Variants in MTX2 observed in about 807,000 individuals in gnomAD.
The protein encoded by MTX2 is metaxin 2.
A neutral mutation model predicts 42.3 loss-of-function variants in MTX2; 35 were observed. The ratio of observed to expected loss-of-function variants is 0.83; its 90% CI spans 0.63 to 1.10. MTX2 has a LOEUF of 1.10. MTX2 is among the 50% of genes least tolerant of loss of function. The probability of loss-of-function intolerance (pLI) is 0.00; values close to 1 mark genes in which losing one functional copy is unlikely to be tolerated. For missense variants in MTX2, 307 were observed against 304.1 expected, an observed-to-expected ratio of 1.01 and a Z score of -0.07; for synonymous variants, 119 against 100.9, an observed-to-expected ratio of 1.18 and a Z score of -1.08.
chr2:176,308,750 T>C (rs1434715884), intron 3 of MTX2, among the ~76,000 whole-genome samples: 2 of 152,178 alleles, frequency 1.3e-5, no homozygotes, highest in Non-Finnish European at 2.9e-5. Context: ...CCCTTTGTCA[T>C]TTTTTATTGT....
At chr2:176,273,789 T>G (rs1257978098) in intron 1 of MTX2, among the ~76,000 whole-genome samples, 3 of 152,186 alleles carry the variant, frequency 2.0e-5, no homozygotes, top group Admixed American at 2.0e-4. Context: ...CATTTTTTGC[T>G]TAGATAACCA....
rs778879219 is a variant in MTX2, at chr2:176,328,302, C to G, written c.295C>G (p.Leu99Val). 8.3e-6 allele frequency: 13 copies of G among 1,566,956 alleles called. No homozygotes were observed. The highest frequency in any genetic ancestry group is 1.1e-5 in the Non-Finnish European group (13 of 1,159,640). The change falls in exon 6 of 10, where the codon CTT becomes GTT. Residue 99 changes from leucine to valine, a missense_variant. Transcript: ENST00000249442. ...TTTAAATTCCCTTTAGGGCCATTCT[C>G]TTAGTGATGGGCTGGAGGAAGTCCA... Reference protein sequence around the residue: ...VQFVKAKGHSLSDGLEEVQKA... With the variant: ...VQFVKAKGHSVSDGLEEVQKA...
At chr2:176,281,303 A>G (rs180799138) in intron 1 of MTX2, among the ~76,000 whole-genome samples, 1 of 152,224 alleles carries the variant, frequency 6.6e-6, no homozygotes, top group East Asian at 1.9e-4. Context: ...AAAGGCTGGG[A>G]ATGATCCAGT....
At chr2:176,315,064 A>G (rs1423270643) in intron 3 of MTX2, among the ~76,000 whole-genome samples, 1 of 152,122 alleles carries the variant, frequency 6.6e-6, no homozygotes, top group Non-Finnish European at 1.5e-5. Context: ...GGTGGCCTTG[A>G]GGATTGGGCT....
At position 176,313,543 on chromosome 2, in the gene MTX2, C is replaced by T. The variant is rs375504158; in HGVS notation, c.136-9849C>T. Among the ~76,000 whole-genome samples, 19 of 151,972 alleles carry T rather than the reference C, an allele frequency of 1.3e-4. No homozygotes were observed. The South Asian group carries it at 2.9e-3, about 23-fold the overall frequency. ...AAGTAGCTGAGATTACAGGTGTGCA[C>T]CACCACCACCCAGCTAATTTTTGTG... On this transcript the variant is annotated intron_variant, in intron 3 of 9. Transcript: ENST00000249442.
At chr2:176,310,470 A>G (rs1210398284) in intron 3 of MTX2, among the ~76,000 whole-genome samples, 1 of 152,182 alleles carries the variant, frequency 6.6e-6, no homozygotes, top group Non-Finnish European at 1.5e-5. Flanking sequence ...GGAAAGTTCT[A>G]GTGGATAATA....
intron 1 of MTX2, among the ~76,000 whole-genome samples, chr2:176,280,342 G>A (rs573364256): frequency 8.5e-5 from 13 of 152,330 alleles, no homozygotes; most frequent in South Asian, 2.1e-4. Context: ...CTTGGTAACC[G>A]ATTTAGATAA....
intron 3 of MTX2, among the ~76,000 whole-genome samples, chr2:176,316,170 T>C (rs141282097): frequency 1.4e-3 from 213 of 152,322 alleles, no homozygotes; most frequent in African/African-American, 4.9e-3. Context: ...GGAAGTTTCA[T>C]AGTGGACCAA....
At chr2:176,302,204 T>C (rs1459842796) in intron 3 of MTX2, among the ~76,000 whole-genome samples, 1 of 151,686 alleles carries the variant, frequency 6.6e-6, no homozygotes, top group African/African-American at 2.4e-5. Flanking sequence ...CTCAAACTGA[T>C]GATCATTATT....
At chr2:176,331,528 T>C (rs982526461) in intron 9 of MTX2, among the ~76,000 whole-genome samples, 2 of 151,162 alleles carry the variant, frequency 1.3e-5, no homozygotes, top group African/African-American at 4.8e-5. Flanking sequence ...AAAGATAATA[T>C]TTGTAGTAAA....
intron 3 of MTX2, among the ~76,000 whole-genome samples, chr2:176,300,680 A>G (rs1443730123): frequency 1.3e-5 from 2 of 152,130 alleles, no homozygotes; most frequent in East Asian, 3.9e-4. Flanking sequence ...TGTCTTTTAT[A>G]GAAGATTCCA....
In MTX2 at chr2:176,269,534, C is replaced by A. The variant is rs1692741760; in HGVS notation, c.-96C>A. The A allele has an allele frequency of 1.5e-5, 21 of 1,372,014 alleles. No individual in the cohort carries two copies. Among genetic ancestry groups the A allele is most frequent in the Middle Eastern group, 2.1e-4 (1 of 4,842 alleles). The allele number at this position is 1,372,014 out of a possible 1,614,324, so 85.0% of individuals were successfully genotyped here. ...TTTGCGAGTCTGAACGTTGGCGGGG[C>A]TAGGCTCGTTAACTGCCGAGAGCCT... On this transcript the variant is annotated 5_prime_UTR_variant, in exon 1 of 10. Coordinates refer to ENST00000249442, the MANE Select transcript of MTX2 (RefSeq NM_006554.5).
Position 176,337,479 on chromosome 2 carries a change from A to G in MTX2, c.621-14A>G, listed in dbSNP as rs1280368985. The stretch of plus-strand genomic sequence containing the variant: ...AATGCTACTTACTCACATTACTCTC[A>G]TTTCTACTTTTAGGCCTACTGAACT... On this transcript the variant is annotated splice_polypyrimidine_tract_variant and intron_variant, in intron 9 of 9. Transcript: ENST00000249442. 6.3e-7 allele frequency: 1 copy of G among 1,576,412 alleles called. No homozygotes were observed. The highest frequency in any genetic ancestry group is 8.6e-7 in the Non-Finnish European group (1 of 1,159,944).
chr2:176,327,370 T>C (rs1027593352), intron 5 of MTX2, among the ~76,000 whole-genome samples: 1 of 151,100 alleles, frequency 6.6e-6, no homozygotes, highest in African/African-American at 2.4e-5. Context: ...CATTAGTGTT[T>C]CTGAAAAATC....
chr2:176,308,310 TTTA>T (rs1684206425), intron 3 of MTX2, among the ~76,000 whole-genome samples: 2 of 152,206 alleles, frequency 1.3e-5, no homozygotes. Context: ...TTGCTAATAT[TTTA>T]TTGAGGATTT....
At chr2:176,334,560 A>AT (rs879363172) in intron 9 of MTX2, among the ~76,000 whole-genome samples, 32 of 147,942 alleles carry the variant, frequency 2.2e-4, no homozygotes, top group East Asian at 3.9e-4. Flanking sequence ...GACCCTTGAG[A>AT]TTTTTTTTTT....
At position 176,269,523 on chromosome 2, in the gene MTX2, C is replaced by T. The variant is rs1049429214; in HGVS notation, c.-107C>T. 14 of 1,275,028 alleles carry T rather than the reference C, an allele frequency of 1.1e-5. No individual in the cohort carries two copies. Among genetic ancestry groups the T allele is most frequent in the Admixed American group, 2.6e-5 (1 of 38,254 alleles). The allele number at this position is 1,275,028 out of a possible 1,614,324, so 79.0% of individuals were successfully genotyped here. On this transcript the variant is annotated 5_prime_UTR_variant, in exon 1 of 10. The change creates a new upstream start codon in the 5' untranslated region. Coordinates refer to ENST00000249442, the MANE Select transcript of MTX2 (RefSeq NM_006554.5). ...TTGGAGTGGGCTTTGCGAGTCTGAA[C>T]GTTGGCGGGGCTAGGCTCGTTAACT...
At chr2:176,282,051 T>C (rs1693088962) in intron 1 of MTX2, among the ~76,000 whole-genome samples, 1 of 150,830 alleles carries the variant, frequency 6.6e-6, no homozygotes, top group African/African-American at 2.4e-5. Context: ...TTTACACTGT[T>C]GAATTTGGTA....
intron 3 of MTX2, among the ~76,000 whole-genome samples, chr2:176,321,343 G>A (rs907097492): frequency 2.6e-5 from 4 of 152,220 alleles, no homozygotes; most frequent in East Asian, 1.9e-4. Context: ...TTAAAGGACC[G>A]TTAGTTTCCA....
Sources: allele counts gnomAD v4.1 joint callset (sites outside exome capture counted in the v4.1 genomes callset), GRCh38; gene constraint gnomAD v4.1.1; transcripts MANE v1.5; gene names NCBI Gene and HGNC (gene_info 2026-07-23, HGNC 2026-07-21).